CCDC126: variants seen among roughly 807,000 people sequenced by gnomAD.
The protein encoded by CCDC126 is coiled-coil domain-containing protein 126.
CCDC126 carries 5 observed loss-of-function variants against 11.7 expected under a neutral mutation model. The observed-to-expected ratio is 0.43, with a 90% CI of 0.22 to 0.90. The LOEUF (loss-of-function observed/expected upper bound fraction) is 0.90, where lower values mean the gene tolerates loss of function less well. CCDC126 is among the 40% of genes least tolerant of loss of function. The probability of loss-of-function intolerance (pLI) is 0.27; values close to 1 mark genes in which losing one functional copy is unlikely to be tolerated. For missense variants in CCDC126, 150 were observed against 163.1 expected, an observed-to-expected ratio of 0.92 and a Z score of 0.44; for synonymous variants, 60 against 61.9, an observed-to-expected ratio of 0.97 and a Z score of 0.14.
intron 3 of CCDC126, among the ~76,000 whole-genome samples, chr7:23,617,940 C>G (rs1244087629): frequency 6.6e-6 from 1 of 152,120 alleles, no homozygotes; most frequent in African/African-American, 2.4e-5. Context: ...GTGGTGGGTC[C>G]TAGAACCAAT....
At chr7:23,630,497 GTCAA>G (rs1226677577) in intron 3 of CCDC126, among the ~76,000 whole-genome samples, 5 of 150,830 alleles carry the variant, frequency 3.3e-5, no homozygotes, top group East Asian at 1.9e-4. Flanking sequence ...GACTGTTTCA[GTCAA>G]TCAATCAATC....
In CCDC126 at chr7:23,597,622, GA is replaced by G. The variant is rs1782441065; in HGVS notation, c.-231+18del. 6.6e-6 allele frequency: 1 copy of G among 152,328 alleles called. No individual in the cohort carries two copies. The highest frequency in any genetic ancestry group is 1.5e-5 in the Non-Finnish European group (1 of 68,038). 9.4% of individuals were successfully genotyped at this position (152,328 alleles called of 1,614,324 possible). On this transcript the variant is annotated intron_variant, in intron 1 of 3. Coordinates refer to ENST00000307471, the MANE Select transcript of CCDC126 (RefSeq NM_138771.4). Reference sequence around the variant, plus strand: ...CACGGCCAGGTAATGAGTAAGGGGCGAGTCCGCCAGCCGGGCCCGCACCTCT... The same window carrying G: ...CACGGCCAGGTAATGAGTAAGGGGCGGTCCGCCAGCCGGGCCCGCACCTCT...
intron 3 of CCDC126, among the ~76,000 whole-genome samples, chr7:23,636,286 G>GAC (rs1783210977): frequency 6.6e-6 from 1 of 151,846 alleles, no homozygotes; most frequent in Non-Finnish European, 1.5e-5. Flanking sequence ...CCGCCACCCC[G>GAC]TCTGGGAAGT....
intron 2 of CCDC126, chr7:23,604,073 C>T (rs1200666177): frequency 6.6e-6 from 1 of 152,182 alleles, no homozygotes; most frequent in Non-Finnish European, 1.5e-5. Flanking sequence ...TATTTTACCT[C>T]GTCTCCTTTC....
chr7:23,619,520 T>A, intron 3 of CCDC126: 1 of 327,428 alleles, frequency 3.1e-6, no homozygotes, highest in Non-Finnish European at 6.1e-6. Context: ...AATGCACAGC[T>A]GGGCCCACCT....
intron 2 of CCDC126, among the ~76,000 whole-genome samples, chr7:23,607,656 A>G (rs1283633518): frequency 2.0e-5 from 3 of 152,286 alleles, no homozygotes; most frequent in South Asian, 4.1e-4. Context: ...GTGTATTCAT[A>G]TTGGCCCCGG....
At chr7:23,615,150 A>G (rs1782775519) in intron 3 of CCDC126, among the ~76,000 whole-genome samples, 1 of 152,244 alleles carries the variant, frequency 6.6e-6, no homozygotes, top group African/African-American at 2.4e-5. Context: ...AGCCACCTTC[A>G]TCAATGATCT....
chr7:23,606,852 C>T (rs925581336), intron 2 of CCDC126, among the ~76,000 whole-genome samples: 5 of 151,994 alleles, frequency 3.3e-5, no homozygotes, highest in African/African-American at 1.2e-4. Flanking sequence ...AGGAGGATCA[C>T]GTGAGGCCAG....
At chr7:23,639,279 C>T (rs979805812) in intron 3 of CCDC126, among the ~76,000 whole-genome samples, 37 of 151,138 alleles carry the variant, frequency 2.4e-4, no homozygotes, top group African/African-American at 9.0e-4. Context: ...GCAACTTCTA[C>T]CTCCCAAGTT....
At chr7:23,614,025 T>A (rs1426999137) in intron 3 of CCDC126, among the ~76,000 whole-genome samples, 1 of 152,240 alleles carries the variant, frequency 6.6e-6, no homozygotes, top group African/African-American at 2.4e-5. Flanking sequence ...TACTGACTGA[T>A]CAGTGTGGTG....
At chr7:23,638,727 T>TAAAAAAAAAAA (rs70954398) in intron 3 of CCDC126, among the ~76,000 whole-genome samples, 1 of 89,668 alleles carries the variant, frequency 1.1e-5, no homozygotes, top group Non-Finnish European at 2.2e-5. Flanking sequence ...AAAAAAAAAT[T>TAAAAAAAAAAA]AAAAAAAAAA....
At chr7:23,610,305 A>G (rs1036793924) in intron 2 of CCDC126, among the ~76,000 whole-genome samples, 1 of 152,264 alleles carries the variant, frequency 6.6e-6, no homozygotes. Context: ...TTAACCTCTC[A>G]GGCTCAAGCA....
At chr7:23,621,132 T>C (rs1782888598) in intron 3 of CCDC126, among the ~76,000 whole-genome samples, 1 of 152,372 alleles carries the variant, frequency 6.6e-6, no homozygotes, top group Admixed American at 6.5e-5. Context: ...ATTGGTAGCT[T>C]GATGGGGATG....
chr7:23,609,602 T>A (rs1056727477), intron 2 of CCDC126, among the ~76,000 whole-genome samples: 2 of 152,206 alleles, frequency 1.3e-5, no homozygotes, highest in African/African-American at 4.8e-5. Context: ...GTGCTGTGGC[T>A]TATGCCTCTA....
chr7:23,621,961 T>G (rs1782909931), intron 3 of CCDC126, among the ~76,000 whole-genome samples: 1 of 152,196 alleles, frequency 6.6e-6, no homozygotes, highest in Non-Finnish European at 1.5e-5. Flanking sequence ...AGCTTTTTGG[T>G]GTGCTGCTGG....
intron 3 of CCDC126, among the ~76,000 whole-genome samples, chr7:23,618,204 G>T (rs1178296457): frequency 6.6e-6 from 1 of 152,232 alleles, no homozygotes; most frequent in Non-Finnish European, 1.5e-5. Context: ...ATGTACAGTT[G>T]TATTGGGGTC....
At chr7:23,625,440 G>A (rs1194435878) in intron 3 of CCDC126, among the ~76,000 whole-genome samples, 1 of 152,132 alleles carries the variant, frequency 6.6e-6, no homozygotes, top group African/African-American at 2.4e-5. Context: ...GTGGGAAGGT[G>A]ACCATTTATA....
intron 3 of CCDC126, among the ~76,000 whole-genome samples, chr7:23,641,000 T>A (rs1182193949): frequency 1.6e-4 from 24 of 146,732 alleles, no homozygotes; most frequent in African/African-American, 4.5e-4. Context: ...TGGTTTTTTT[T>A]TTTTTTTTTT....
In CCDC126 at chr7:23,629,476, T is replaced by C. The variant is rs111261215; in HGVS notation, c.239-13455T>C. On this transcript the variant is annotated intron_variant, in intron 3 of 3. Transcript: ENST00000307471. ...TCTGTGGTGTTTTGTGATGGCAGCC[T>C]GAATAGGCTAAGACAATGATATATT... is the stretch of plus-strand genomic sequence containing the variant. 1.6e-4 allele frequency among the ~76,000 whole-genome samples: 25 copies of C among 152,304 alleles called. 2 individuals carry two copies. The highest frequency in any genetic ancestry group is 4.1e-4 in the African/African-American group (17 of 41,564).
Sources: allele counts gnomAD v4.1 joint callset (sites outside exome capture counted in the v4.1 genomes callset), GRCh38; gene constraint gnomAD v4.1.1; transcripts MANE v1.5; gene names NCBI Gene and HGNC (gene_info 2026-07-23, HGNC 2026-07-21).